ATG5: variants seen among roughly 807,000 people sequenced by gnomAD.
The protein encoded by ATG5 is autophagy related 5, also known as autophagy protein 5.
Under a neutral mutation model 36.5 loss-of-function variants are expected in ATG5, and 14 were observed. That is an observed-to-expected ratio of 0.38 (90% CI 0.25 to 0.60). ATG5 has a LOEUF of 0.60. Ranked by LOEUF, ATG5 falls within the 20% of genes least tolerant of loss-of-function variation. The pLI is 0.60. For missense variants in ATG5, 195 were observed against 326.7 expected, an observed-to-expected ratio of 0.60 and a Z score of 3.11; for synonymous variants, 95 against 101.5, an observed-to-expected ratio of 0.94 and a Z score of 0.38.
chr6:106,207,256 T>C (rs1381997578), intron 6 of ATG5, among the ~76,000 whole-genome samples: 1 of 152,210 alleles, frequency 6.6e-6, no homozygotes, highest in Non-Finnish European at 1.5e-5. Context: ...ACAGCAATCA[T>C]TTTTTCTTAT....
chr6:106,210,208 T>G (rs558086564), intron 6 of ATG5, among the ~76,000 whole-genome samples: 1 of 152,162 alleles, frequency 6.6e-6, no homozygotes, highest in East Asian at 1.9e-4. Flanking sequence ...AAAAGCCCCT[T>G]AGGTGATCCT....
In ATG5 at chr6:106,241,879, C is replaced by T. The variant is rs527746819; in HGVS notation, c.573+6271G>A. Reference sequence around the variant, plus strand: ...CAGACTCAAGGAAGAGCTGCCAAAACCAGGAAAGCCAATTCATTAAAATAA... The same window carrying T: ...CAGACTCAAGGAAGAGCTGCCAAAATCAGGAAAGCCAATTCATTAAAATAA... On this transcript the variant is annotated intron_variant, in intron 6 of 7. Coordinates refer to ENST00000369076, the MANE Select transcript of ATG5 (RefSeq NM_004849.4). 3.9e-5 allele frequency among the ~76,000 whole-genome samples: 6 copies of T among 152,102 alleles called. 1 individual carries two copies. The South Asian group carries it at 1.0e-3, about 26-fold the overall frequency.
At chr6:106,240,342 T>C (rs1403332958) in intron 6 of ATG5, among the ~76,000 whole-genome samples, 2 of 148,432 alleles carry the variant, frequency 1.3e-5, no homozygotes, top group Non-Finnish European at 3.0e-5. Context: ...ATATCTTTAA[T>C]ATATTTATAG....
chr6:106,289,864 G>A (rs1780232694), intron 4 of ATG5, among the ~76,000 whole-genome samples: 1 of 152,052 alleles, frequency 6.6e-6, no homozygotes, highest in Non-Finnish European at 1.5e-5. Context: ...CCTTAAACTT[G>A]CTTCTATGTT....
In ATG5 at chr6:106,184,703, A is replaced by C. The variant is rs41292416; in HGVS notation, c.*1837T>G. 3.2e-3 allele frequency: 487 copies of C among 152,404 alleles called. 3 individuals are homozygous for C. Among genetic ancestry groups the C allele is most frequent in the Non-Finnish European group, 5.0e-3 (341 of 67,988 alleles). The allele number at this position is 152,404 out of a possible 1,614,324, so 9.4% of individuals were successfully genotyped here. On this transcript the variant is annotated 3_prime_UTR_variant, in exon 8 of 8. Transcript: ENST00000369076. Reference sequence around the variant, plus strand: ...AAATTTACTTTCAAATCTAGATCAGAAGTTCACTCAAGCCTACTGCAAAGG... The same window carrying C: ...AAATTTACTTTCAAATCTAGATCAGCAGTTCACTCAAGCCTACTGCAAAGG...
chr6:106,320,817 C>A (rs1370854384), intron 1 of ATG5, among the ~76,000 whole-genome samples: 2 of 152,128 alleles, frequency 1.3e-5, no homozygotes, highest in Non-Finnish European at 2.9e-5. Context: ...TAGTGCCTAC[C>A]GGTTTTAGAA....
In ATG5 at chr6:106,297,739, CACACACACACACACACACACACACACAT is replaced by C. The variant is rs1481126679; in HGVS notation, c.237-4661_237-4634del. On this transcript the variant is annotated intron_variant, in intron 3 of 7. Transcript: ENST00000369076. ...TTAAACACACACACACACACACACA[CACACACACACACACACACACACACACAT>C]ATATATTTTAAAGTTCATTGGGGCT... Among the ~76,000 whole-genome samples the C allele has an allele frequency of 5.5e-5, 8 of 146,308 alleles. No individual in the cohort carries two copies. The Admixed American group carries it at 5.8e-4, about 11-fold the overall frequency.
intron 4 of ATG5, among the ~76,000 whole-genome samples, chr6:106,286,090 A>G (rs762123774): frequency 3.3e-5 from 5 of 152,224 alleles, no homozygotes; most frequent in African/African-American, 4.8e-5. Context: ...GACCTTGCAG[A>G]GTATCAGCTA....
chr6:106,208,524 A>T (rs1013237256), intron 6 of ATG5, among the ~76,000 whole-genome samples: 1 of 152,178 alleles, frequency 6.6e-6, no homozygotes, highest in African/African-American at 2.4e-5. Flanking sequence ...TGAAATTCAG[A>T]AGTTTACGTT....
At chr6:106,237,844 T>A (rs1219847918) in intron 6 of ATG5, among the ~76,000 whole-genome samples, 1 of 152,202 alleles carries the variant, frequency 6.6e-6, no homozygotes, top group Non-Finnish European at 1.5e-5. Flanking sequence ...CAGTCCCTAT[T>A]TTGTGAGAGG....
At chr6:106,277,026 C>T (rs1250886570) in intron 5 of ATG5, among the ~76,000 whole-genome samples, 1 of 151,978 alleles carries the variant, frequency 6.6e-6, no homozygotes, top group Non-Finnish European at 1.5e-5. Flanking sequence ...CTCCATGTAA[C>T]CTAGGTAAAA....
chr6:106,324,987 A>G (rs1215793597), intron 1 of ATG5, among the ~76,000 whole-genome samples: 1 of 152,206 alleles, frequency 6.6e-6, no homozygotes, highest in Non-Finnish European at 1.5e-5. Context: ...AAAATCTAGA[A>G]CCAATAGTTT....
In ATG5 at chr6:106,286,638, T is replaced by C. The variant is rs1373664859; in HGVS notation, c.315+6390A>G. ...AAAGAATGCGGCAAAGGTGATGGGA[T>C]GTTACCCCAGTGATTAAGTCATGTT... is the stretch of plus-strand genomic sequence containing the variant. On this transcript the variant is annotated intron_variant, in intron 4 of 7. Coordinates refer to ENST00000369076, the MANE Select transcript of ATG5 (RefSeq NM_004849.4). 2.0e-5 allele frequency among the ~76,000 whole-genome samples: 3 copies of C among 152,180 alleles called. No individual in the cohort carries two copies. The East Asian group carries it at 5.8e-4, about 29-fold the overall frequency.
intron 4 of ATG5, among the ~76,000 whole-genome samples, chr6:106,292,780 T>A (rs1426166690): frequency 6.6e-6 from 1 of 152,190 alleles, no homozygotes; most frequent in Admixed American, 6.5e-5. Flanking sequence ...CAAAAACTCG[T>A]AAATTTTAAA....
intron 6 of ATG5, among the ~76,000 whole-genome samples, chr6:106,203,526 T>A (rs1776518589): frequency 6.6e-6 from 1 of 152,214 alleles, no homozygotes; most frequent in African/African-American, 2.4e-5. Flanking sequence ...TATTTCACTT[T>A]AAGATGGTAA....
intron 5 of ATG5, among the ~76,000 whole-genome samples, chr6:106,266,011 G>C (rs147214742): frequency 2.0e-5 from 3 of 150,902 alleles, no homozygotes; most frequent in Non-Finnish European, 1.5e-5. Context: ...AGAATTGAAG[G>C]AGATGGAGAC....
chr6:106,321,735 ACTT>A (rs1346961868), intron 1 of ATG5, among the ~76,000 whole-genome samples: 4 of 152,046 alleles, frequency 2.6e-5, no homozygotes, highest in African/African-American at 9.7e-5. Flanking sequence ...TAGTCTAATT[ACTT>A]CTTTAATAGC....
At chr6:106,246,195 T>G (rs1030152938) in intron 6 of ATG5, among the ~76,000 whole-genome samples, 1 of 152,132 alleles carries the variant, frequency 6.6e-6, no homozygotes, top group Non-Finnish European at 1.5e-5. Context: ...CTTTGTTGCT[T>G]TCTGTTTAAG....
intron 2 of ATG5, among the ~76,000 whole-genome samples, chr6:106,308,740 T>C (rs1298936505): frequency 6.6e-6 from 1 of 152,144 alleles, no homozygotes; most frequent in South Asian, 2.1e-4. Flanking sequence ...CACAAATCTA[T>C]CTACAATCTT....
Sources: allele counts gnomAD v4.1 joint callset (sites outside exome capture counted in the v4.1 genomes callset), GRCh38; gene constraint gnomAD v4.1.1; transcripts MANE v1.5; gene names NCBI Gene and HGNC (gene_info 2026-07-23, HGNC 2026-07-21).